The following STYK1 variants were observed in gnomAD, a reference collection of about 807,000 sequenced individuals.
The protein encoded by STYK1 is tyrosine-protein kinase STYK1.
In STYK1, 46 loss-of-function variants were observed where a neutral mutation model predicts 48.1. The ratio of observed to expected loss-of-function variants is 0.96; its 90% CI spans 0.75 to 1.22. The LOEUF is 1.22. Among genes scored for constraint, STYK1 ranks in the 50% most tolerant of loss-of-function variants. The probability of loss-of-function intolerance (pLI) is 0.00; values close to 1 mark genes in which losing one functional copy is unlikely to be tolerated. For synonymous variants in STYK1, 188 were observed against 189.0 expected (o/e 0.99, Z 0.04); for missense variants, 527 against 521.1 (o/e 1.01, Z -0.11).
Position 10,624,814 on chromosome 12 carries a change from T to G in STYK1, c.763A>C (p.Arg255=), listed in dbSNP as rs776096075. The change falls in exon 8 of 11, where the codon AGG becomes CGG. Residue 255 remains arginine, a synonymous_variant. Transcript: ENST00000075503. ...KHLFHGDVAA[R]NILMQSDLTA... is the part of the protein sequence containing the mutation. Reference sequence around the variant, plus strand: ...AGATCACTTTGCATCAGAATATTCCTGGCTGCCACATCCCCATGGAACAAA... The same window carrying G: ...AGATCACTTTGCATCAGAATATTCCGGGCTGCCACATCCCCATGGAACAAA... 1.4e-5 allele frequency: 22 copies of G among 1,614,054 alleles called. No homozygotes were observed. Among genetic ancestry groups the G allele is most frequent in the Non-Finnish European group, 1.8e-5 (21 of 1,180,034 alleles).
chr12:10,631,422 G>A (rs2168746), intron 4 of STYK1, 114 bp from the exon 5 acceptor site: 1 of 1,352,244 alleles, frequency 7.4e-7, no homozygotes, highest in South Asian at 1.4e-5. Flanking sequence ...TTTGGCCAAT[G>A]GGGAGTTGTC....
intron 1 of STYK1, among the ~76,000 whole-genome samples, chr12:10,670,276 C>T (rs996042461): frequency 6.6e-6 from 1 of 152,080 alleles, no homozygotes; most frequent in Non-Finnish European, 1.5e-5. Context: ...CTGCTGTCTG[C>T]ACGCCATGTT....
At chr12:10,630,031 A>C (rs536358024) in intron 5 of STYK1, among the ~76,000 whole-genome samples, 1 of 121,258 alleles carries the variant, frequency 8.2e-6, no homozygotes, top group African/African-American at 3.2e-5. Context: ...TATCATGAAG[A>C]GGAGAGAGAG....
rs796471442 is a variant in STYK1 at position 10,632,009 on chromosome 12, G to T, written c.188-701C>A. ...ATTACTTTCTACTGGTAGGGGAGAG[G>T]AAGCAGGTAATAATATATCAAGCAA... On this transcript the variant is annotated intron_variant, in intron 4 of 10. Transcript: ENST00000075503. Among the ~76,000 whole-genome samples the T allele has an allele frequency of 3.3e-5, 5 of 152,128 alleles. No individual in the cohort carries two copies. The South Asian group carries it at 1.0e-3, about 31-fold the overall frequency.
At chr12:10,642,810 A>G (rs1947559734) in intron 1 of STYK1, among the ~76,000 whole-genome samples, 1 of 152,238 alleles carries the variant, frequency 6.6e-6, no homozygotes, top group African/African-American at 2.4e-5. Context: ...CAGATAAATC[A>G]AATAGCATAA....
intron 1 of STYK1, among the ~76,000 whole-genome samples, chr12:10,657,282 C>A (rs913099249): frequency 6.6e-6 from 1 of 152,164 alleles, no homozygotes; most frequent in Non-Finnish European, 1.5e-5. Context: ...GCCAGTAATT[C>A]AATTAAGAAA....
intron 7 of STYK1, among the ~76,000 whole-genome samples, chr12:10,626,760 A>G (rs986763663): frequency 9.2e-5 from 14 of 152,116 alleles, no homozygotes; most frequent in African/African-American, 3.1e-4. Context: ...TAATCCCAGC[A>G]CTTTGGGAGG....
intron 1 of STYK1, among the ~76,000 whole-genome samples, chr12:10,655,751 C>A (rs537323116): frequency 1.1e-4 from 17 of 152,202 alleles, no homozygotes; most frequent in African/African-American, 4.1e-4. Context: ...GGGAGGTTAC[C>A]TTTGGTAAAG....
chr12:10,662,224 T>C (rs1428177695), intron 1 of STYK1, among the ~76,000 whole-genome samples: 1 of 127,148 alleles, frequency 7.9e-6, no homozygotes, highest in Non-Finnish European at 1.7e-5. Flanking sequence ...TAAATAATAT[T>C]GCATTGTATG....
chr12:10,650,259 A>ATCTCCTTT (rs1947648535), intron 1 of STYK1, among the ~76,000 whole-genome samples: 1 of 152,130 alleles, frequency 6.6e-6, no homozygotes, highest in Non-Finnish European at 1.5e-5. Flanking sequence ...ATCTCCATCC[A>ATCTCCTTT]ACTGTAGTAA....
At chr12:10,631,713 G>A (rs978296219) in intron 4 of STYK1, among the ~76,000 whole-genome samples, 7 of 152,156 alleles carry the variant, frequency 4.6e-5, no homozygotes, top group African/African-American at 1.2e-4. Context: ...GGCTTTCAAC[G>A]TTGGAGGAAA....
chr12:10,658,251 C>T (rs571273314), intron 1 of STYK1, among the ~76,000 whole-genome samples: 16 of 152,254 alleles, frequency 1.1e-4, no homozygotes, highest in South Asian at 8.3e-4. Context: ...TAACTGCTTA[C>T]GATTGAATAG....
intron 1 of STYK1, among the ~76,000 whole-genome samples, chr12:10,651,933 T>C (rs1250239961): frequency 6.6e-6 from 1 of 152,220 alleles, no homozygotes; most frequent in Non-Finnish European, 1.5e-5. Context: ...TTAAAGTGGA[T>C]GCAGCAGATT....
intron 4 of STYK1, among the ~76,000 whole-genome samples, chr12:10,633,225 T>C (rs545974635): frequency 1.3e-4 from 20 of 152,324 alleles, no homozygotes; most frequent in African/African-American, 3.8e-4. Context: ...GCAGCTGTCA[T>C]TGATGACCTT....
At position 10,634,673 on chromosome 12, in the gene STYK1, G is replaced by A; in HGVS notation, c.-55C>T. The A allele has an allele frequency of 1.3e-6, 2 of 1,591,044 alleles. No homozygotes were observed. Among genetic ancestry groups the A allele is most frequent in the South Asian group, 2.3e-5 (2 of 88,368 alleles). On this transcript the variant is annotated 5_prime_UTR_variant, in exon 3 of 11. Transcript: ENST00000075503. Reference sequence around the variant, plus strand: ...GCCCACAGAGAATGCACACAGCACAGCTGTGAGTAATTCCTAAGGATTGAG... The same window carrying A: ...GCCCACAGAGAATGCACACAGCACAACTGTGAGTAATTCCTAAGGATTGAG...
intron 1 of STYK1, among the ~76,000 whole-genome samples, chr12:10,646,986 G>A (rs919905467): frequency 2.0e-5 from 3 of 152,258 alleles, no homozygotes; most frequent in South Asian, 2.1e-4. Flanking sequence ...AGGCTGTATG[G>A]AAATGCCCAG....
intron 1 of STYK1, among the ~76,000 whole-genome samples, chr12:10,646,704 T>C (rs1213962992): frequency 6.6e-6 from 1 of 152,160 alleles, no homozygotes; most frequent in Non-Finnish European, 1.5e-5. Context: ...TCAGAGACCT[T>C]TGAGGCAGCC....
At chr12:10,654,153 C>T (rs548532222) in intron 1 of STYK1, among the ~76,000 whole-genome samples, 16 of 152,238 alleles carry the variant, frequency 1.1e-4, no homozygotes, top group African/African-American at 3.6e-4. Flanking sequence ...TTTACAAATG[C>T]CACAGAAACA....
intron 1 of STYK1, among the ~76,000 whole-genome samples, chr12:10,653,351 C>T (rs1013636171): frequency 6.6e-6 from 1 of 151,872 alleles, no homozygotes; most frequent in African/African-American, 2.4e-5. Context: ...CATGCCTGGC[C>T]CAATTAACAT....
Sources: gnomAD v4.1 joint callset for allele counts (sites outside exome capture counted in the v4.1 genomes callset) on GRCh38, gnomAD v4.1.1 for gene constraint, MANE v1.5 for transcripts, NCBI Gene and HGNC (gene_info 2026-07-23, HGNC 2026-07-21) for gene names.